LYPD6: variants seen among roughly 807,000 people sequenced by gnomAD.
The protein encoded by LYPD6 is LY6/PLAUR domain containing 6, also known as ly6/PLAUR domain-containing protein 6.
LYPD6 carries 15 observed loss-of-function variants against 22.7 expected under a neutral mutation model. That is an observed-to-expected ratio of 0.66 (90% confidence interval 0.44 to 1.02). The LOEUF is 1.02. LYPD6 is among the 50% of genes least tolerant of loss of function. The pLI is 0.00. For synonymous variants in LYPD6, 72 were observed against 77.5 expected (o/e 0.93, Z 0.37); for missense variants, 189 against 208.4 (o/e 0.91, Z 0.57).
At chr2:149,374,216 G>A (rs1478672092) in intron 1 of LYPD6, among the ~76,000 whole-genome samples, 1 of 152,144 alleles carries the variant, frequency 6.6e-6, no homozygotes, top group Non-Finnish European at 1.5e-5. Context: ...CAGAAGTCAA[G>A]CATATGGTTT....
intron 1 of LYPD6, among the ~76,000 whole-genome samples, chr2:149,338,920 A>G (rs886266341): frequency 6.6e-6 from 1 of 152,210 alleles, no homozygotes; most frequent in African/African-American, 2.4e-5. Flanking sequence ...AAAATCTGGT[A>G]TATATGTTAC....
the LYPD6 span, among the ~76,000 whole-genome samples, chr2:149,479,169 C>CTAG: frequency 6.6e-6 from 1 of 152,166 alleles, no homozygotes; most frequent in Non-Finnish European, 1.5e-5. Flanking sequence ...AACACTTCGT[C>CTAG]TAGTCCCTCC....
In LYPD6 at chr2:149,353,566, C is replaced by T. The variant is rs1194766415; in HGVS notation, c.-72+22844C>T. 3.9e-5 allele frequency among the ~76,000 whole-genome samples: 6 copies of T among 152,118 alleles called. No homozygotes were observed. In the East Asian group the frequency reaches 1.2e-3, roughly 29 times the overall value. On this transcript the variant is annotated intron_variant, in intron 1 of 4. Transcript: ENST00000334166. ...AAGTGCTTTGAACCTGTGATATATA[C>T]TATGGAGAGCTTTTGTTTTTACTTA...
chr2:149,425,292 C>T (rs529581943), intron 1 of LYPD6, among the ~76,000 whole-genome samples: 1 of 152,232 alleles, frequency 6.6e-6, no homozygotes, highest in East Asian at 1.9e-4. Flanking sequence ...TCTTAGCAGT[C>T]TTTATGGGGA....
At chr2:149,406,636 G>T (rs1682716522) in intron 1 of LYPD6, among the ~76,000 whole-genome samples, 1 of 152,186 alleles carries the variant, frequency 6.6e-6, no homozygotes, top group Non-Finnish European at 1.5e-5. Flanking sequence ...CTCTGCACGT[G>T]AGATGGGTTT....
intron 1 of LYPD6, among the ~76,000 whole-genome samples, chr2:149,408,602 T>A (rs1007836838): frequency 1.1e-4 from 16 of 152,326 alleles, no homozygotes; most frequent in Middle Eastern, 3.4e-3. Flanking sequence ...TTTTTTCATT[T>A]TTTAAAATTT....
downstream of LYPD6, among the ~76,000 whole-genome samples, chr2:149,477,748 G>A (rs1398260689): frequency 6.6e-6 from 1 of 151,796 alleles, no homozygotes; most frequent in East Asian, 1.9e-4. Flanking sequence ...AACAACCAGA[G>A]TATAAGTCTG....
chr2:149,423,344 T>G (rs1199848739), intron 1 of LYPD6, among the ~76,000 whole-genome samples: 1 of 152,200 alleles, frequency 6.6e-6, no homozygotes, highest in Non-Finnish European at 1.5e-5. Flanking sequence ...AAAACATTTG[T>G]GAACCTTAAA....
intron 1 of LYPD6, among the ~76,000 whole-genome samples, chr2:149,414,723 T>C (rs1161318976): frequency 6.6e-6 from 1 of 152,208 alleles, no homozygotes; most frequent in East Asian, 1.9e-4. Flanking sequence ...ATATATTCTG[T>C]AGTACCCTGG....
chr2:149,360,612 T>G (rs1681553958), intron 1 of LYPD6, among the ~76,000 whole-genome samples: 1 of 151,952 alleles, frequency 6.6e-6, no homozygotes, highest in Non-Finnish European at 1.5e-5. Flanking sequence ...TTTACTTGTT[T>G]TTTTTTTTTT....
downstream of LYPD6, among the ~76,000 whole-genome samples, chr2:149,476,865 T>G (rs552345656): frequency 2.4e-4 from 37 of 152,260 alleles, no homozygotes; most frequent in East Asian, 7.0e-3. Context: ...TGGCTAAGCT[T>G]TCCCCTGACC....
downstream of LYPD6, chr2:149,474,149 T>C (rs1385906599): frequency 6.6e-6 from 1 of 152,112 alleles, no homozygotes; most frequent in Non-Finnish European, 1.5e-5. Context: ...GCTTGAAAAA[T>C]GTCAGTTTGT....
intron 1 of LYPD6, among the ~76,000 whole-genome samples, chr2:149,406,388 C>A (rs1476004742): frequency 2.0e-5 from 3 of 150,994 alleles, no homozygotes; most frequent in African/African-American, 7.3e-5. Flanking sequence ...GTAGGTCACT[C>A]AGGACTTGCT....
rs192054926 is a variant in LYPD6, at chr2:149,404,327, A to G, written c.-71-33311A>G. On this transcript the variant is annotated intron_variant, in intron 1 of 4. Coordinates refer to ENST00000334166, the MANE Select transcript of LYPD6 (RefSeq NM_194317.5). ...GAATCTATAAATTACCTTGGGCAGT[A>G]TGGCCATTTTCACGATATTGATTCT... 5.4e-3 allele frequency among the ~76,000 whole-genome samples: 820 copies of G among 152,236 alleles called. 7 individuals carry two copies. Among genetic ancestry groups the G allele is most frequent in the African/African-American group, 0.019 (797 of 41,548 alleles).
chr2:149,413,588 A>G (rs956482309), intron 1 of LYPD6, among the ~76,000 whole-genome samples: 23 of 152,148 alleles, frequency 1.5e-4, no homozygotes, highest in Admixed American at 1.5e-3. Flanking sequence ...AAATCAGTTA[A>G]CAGTTAATCT....
chr2:149,478,605 G>A (rs1436950982), downstream of LYPD6, among the ~76,000 whole-genome samples: 1 of 151,748 alleles, frequency 6.6e-6, no homozygotes, highest in Non-Finnish European at 1.5e-5. Flanking sequence ...TTACTTTTTT[G>A]TAGAGATGGG....
At chr2:149,485,132 G>A in the LYPD6 span, among the ~76,000 whole-genome samples, 18 of 152,278 alleles carry the variant, frequency 1.2e-4, no homozygotes, top group African/African-American at 3.9e-4. Context: ...CGTAGCACAA[G>A]TGATCATAGT....
chr2:149,460,240 A>G (rs1425793389), intron 3 of LYPD6, among the ~76,000 whole-genome samples: 1 of 152,232 alleles, frequency 6.6e-6, no homozygotes, highest in Non-Finnish European at 1.5e-5. Context: ...ATGTATTGAC[A>G]GAATATGTTA....
chr2:149,339,096 A>G (rs10445727), intron 1 of LYPD6, among the ~76,000 whole-genome samples: 34,240 of 152,006 alleles, frequency 0.23, 4,775 homozygotes, highest in East Asian at 0.57. Flanking sequence ...GAAGATAAAG[A>G]CTCAAGGGAT....
Sources: gnomAD v4.1 joint callset for allele counts (sites outside exome capture counted in the v4.1 genomes callset) on GRCh38, gnomAD v4.1.1 for gene constraint, MANE v1.5 for transcripts, NCBI Gene and HGNC (gene_info 2026-07-23, HGNC 2026-07-21) for gene names.